Variants in PDGFRB observed in about 807,000 individuals in gnomAD.
PDGFRB encodes the protein platelet derived growth factor receptor beta, also known as platelet-derived growth factor receptor beta.
PDGFRB carries 42 observed loss-of-function variants against 120.2 expected under a neutral mutation model. The observed-to-expected ratio is 0.35, with a 90% confidence interval of 0.27 to 0.45. PDGFRB has a LOEUF of 0.45. PDGFRB is among the 20% of genes least tolerant of loss of function. PDGFRB has a pLI of 1.00. For missense variants in PDGFRB, 1,149 were observed against 1,476.3 expected (o/e 0.78, Z 3.63); for synonymous variants, 586 against 606.8 (o/e 0.97, Z 0.50).
rs963432529 is a variant in PDGFRB at position 150,155,745 on chromosome 5, G to T, written c.-355C>A. On this transcript the variant is annotated 5_prime_UTR_variant, in exon 1 of 23. Transcript: ENST00000261799. The stretch of plus-strand genomic sequence containing the variant: ...TGCTGCTGGGCAGCAGGGCTGAGGG[G>T]CCGGCTCTCTCCTCCTCCTTGTTGA... 9 of 398,592 alleles carry T rather than the reference G, an allele frequency of 2.3e-5. No individual in the cohort carries two copies. Among genetic ancestry groups the T allele is most frequent in the African/African-American group, 1.9e-4 (9 of 48,630 alleles). 24.7% of individuals were successfully genotyped at this position (398,592 alleles called of 1,614,324 possible).
intron 1 of PDGFRB, chr5:150,153,370 A>G (rs1761132139): frequency 6.6e-6 from 1 of 152,256 alleles, no homozygotes; most frequent in Non-Finnish European, 1.5e-5. Context: ...AAGGTGCTGA[A>G]GCCAGGAGCA....
At chr5:150,130,710 T>A (rs749174903) in intron 8 of PDGFRB, 48 bp from the exon 9 acceptor site, 2 of 1,591,000 alleles carry the variant, frequency 1.3e-6, no homozygotes, top group African/African-American at 2.7e-5. Flanking sequence ...TCAGGACAGT[T>A]AACAGGACAG....
chr5:150,155,449 C>A lies in PDGFRB; in HGVS notation c.-59G>T. The A allele has an allele frequency of 2.5e-6, 1 of 397,168 alleles. No homozygotes were observed. The highest frequency in any genetic ancestry group is 4.4e-6 in the Non-Finnish European group (1 of 225,720). The allele number at this position is 397,168 out of a possible 1,614,324, so 24.6% of individuals were successfully genotyped here. A position where few individuals can be genotyped will look rare whatever the true frequency, so the allele number is the denominator to read the frequency against. ...CACAGTTCCAGGCTCTGGACAGTCA[C>A]CCCCTCCAGGAAGTCCTCCTTACTG... is the stretch of plus-strand genomic sequence containing the variant. On this transcript the variant is annotated 5_prime_UTR_variant, in exon 1 of 23. Coordinates refer to ENST00000261799, the MANE Select transcript of PDGFRB (RefSeq NM_002609.4).
rs762918648 is a variant in PDGFRB at position 150,130,618 on chromosome 5, C to T, written c.1288G>A (p.Gly430Arg). The T allele has an allele frequency of 1.2e-6, 2 of 1,612,874 alleles. No homozygotes were observed. The highest frequency in any genetic ancestry group is 1.7e-6 in the Non-Finnish European group (2 of 1,179,674). ...LELSESHPDSGEQTVRCRGRG... is the reference protein window; with the variant it reads ...LELSESHPDSREQTVRCRGRG... ...CCACGACAGCGGACTGTCTGTTCCCCACTGTCAGGGTGGCTCTCACTTAGC... is the reference window on the plus strand; with the variant it reads ...CCACGACAGCGGACTGTCTGTTCCCTACTGTCAGGGTGGCTCTCACTTAGC... Residue 430 changes from glycine (G) to arginine (R), a missense_variant, in exon 9 of 23, where the codon GGG becomes AGG. Physicochemically the swap from Gly to Arg is moderately radical, Grantham distance 125 (BLOSUM62 -2). This residue lies in a region of PDGFRB where 879 missense variants were observed against 1,108.6 expected (regional missense o/e 0.79). Coordinates refer to ENST00000261799, the MANE Select transcript of PDGFRB (RefSeq NM_002609.4).
intron 22 of PDGFRB, among the ~76,000 whole-genome samples, chr5:150,116,448 A>G (rs1157389434): frequency 1.3e-5 from 2 of 151,946 alleles, no homozygotes; most frequent in Admixed American, 6.6e-5. Flanking sequence ...CAACTCTACT[A>G]AAAATACAAA....
rs754896143 is a variant in PDGFRB at position 150,126,638 on chromosome 5, C to T, written c.1580-24G>A. 1.3e-5 allele frequency: 17 copies of T among 1,353,598 alleles called. 1 individual carries two copies. The Middle Eastern group carries it at 7.2e-4, about 58-fold the overall frequency. 83.8% of individuals were successfully genotyped at this position (1,353,598 alleles called of 1,614,324 possible). On this transcript the variant is annotated intron_variant, in intron 10 of 22. Transcript: ENST00000261799. ...GGCTGGAGGCAGAGATGAGAGCAGG[C>T]CATGAGCAAACTGGGCAGCTACCCT... is the stretch of plus-strand genomic sequence containing the variant.
chr5:150,127,481 A>G (rs1466259349), intron 10 of PDGFRB, among the ~76,000 whole-genome samples: 1 of 152,116 alleles, frequency 6.6e-6, no homozygotes, highest in African/African-American at 2.4e-5. Flanking sequence ...CACCTGGCAC[A>G]TGGTAGGTAG....
intron 10 of PDGFRB, among the ~76,000 whole-genome samples, chr5:150,127,303 C>G (rs1333085002): frequency 6.6e-6 from 1 of 152,166 alleles, no homozygotes; most frequent in Non-Finnish European, 1.5e-5. Context: ...CCTCATCCAG[C>G]CCCGCCAGAC....
intron 1 of PDGFRB, among the ~76,000 whole-genome samples, chr5:150,140,443 C>T (rs1760754213): frequency 6.6e-6 from 1 of 152,186 alleles, no homozygotes; most frequent in Admixed American, 6.5e-5. Context: ...CCCTAGGTGT[C>T]CCCCTTTTGC....
intron 1 of PDGFRB, among the ~76,000 whole-genome samples, 181 bp downstream of exon 1, chr5:150,155,216 G>A (rs907079077): frequency 6.6e-6 from 1 of 151,890 alleles, no homozygotes; most frequent in African/African-American, 2.4e-5. Context: ...CAGGGGAAAG[G>A]AGAAAACTGG....
rs898335278 is a variant in PDGFRB at position 150,114,131 on chromosome 5, C to T, written c.*1632G>A. On this transcript the variant is annotated 3_prime_UTR_variant, in exon 23 of 23. Coordinates refer to ENST00000261799, the MANE Select transcript of PDGFRB (RefSeq NM_002609.4). ...CCTGCACCCCCTTCCCAACCCTCCC[C>T]GTGCGGGGGCGTCTTGGCTACAACC... 5.1e-5 allele frequency: 12 copies of T among 233,356 alleles called. No individual in the cohort carries two copies. The highest frequency in any genetic ancestry group is 1.3e-4 in the African/African-American group (6 of 45,342). The allele number at this position is 233,356 out of a possible 1,614,324, so 14.5% of individuals were successfully genotyped here.
chr5:150,127,404 C>T (rs971670390), intron 10 of PDGFRB, among the ~76,000 whole-genome samples: 4 of 152,302 alleles, frequency 2.6e-5, no homozygotes, highest in African/African-American at 9.6e-5. Flanking sequence ...TGCTTCTTTG[C>T]TCCCTAGGGA....
chr5:150,116,096 T>C, intron 22 of PDGFRB, 150 bp from the exon 23 acceptor site: 1 of 631,204 alleles, frequency 1.6e-6, no homozygotes. Flanking sequence ...ATGCAAGGCC[T>C]GCACCGTGAG....
chr5:150,137,770 G>T (rs561701241), intron 1 of PDGFRB, among the ~76,000 whole-genome samples: 24 of 152,334 alleles, frequency 1.6e-4, no homozygotes, highest in African/African-American at 5.8e-4. Context: ...CCACCCCCAG[G>T]GTGCAGATGG....
Position 150,132,077 on chromosome 5 carries a change from G to A in PDGFRB, c.1145C>T (p.Thr382Ile), listed in dbSNP as rs768431684. 2 of 1,602,564 alleles carry A rather than the reference G, an allele frequency of 1.2e-6. No homozygotes were observed. The highest frequency in any genetic ancestry group is 2.2e-5 in the South Asian group (2 of 90,854). ...VSETRYVSELTLVRVKVAEAG... is the reference protein window; with the variant it reads ...VSETRYVSELILVRVKVAEAG... ...CTCTGCCACCTTCACGCGAACCAGT[G>A]TCAGCTCTGACACATACCTGGGGAG... Residue 382 changes from threonine (T) to isoleucine (I), a missense_variant, in exon 8 of 23, where the codon ACA (threonine) becomes ATA (isoleucine). This residue lies in a region of PDGFRB where 879 missense variants were observed against 1,108.6 expected (regional missense o/e 0.79). Coordinates refer to ENST00000261799, the MANE Select transcript of PDGFRB (RefSeq NM_002609.4). The surrounding 1 kb of genome is among the most constrained non-coding windows in gnomAD (Gnocchi z 5.0).
chr5:150,131,933 C>T, intron 8 of PDGFRB, 46 bp downstream of exon 8: 1 of 991,110 alleles, frequency 1.0e-6, no homozygotes, highest in South Asian at 1.3e-5. Flanking sequence ...GGAACGGGGG[C>T]AGGGAGGGGA....
Position 150,135,561 on chromosome 5 carries a change from C to T in PDGFRB, c.358G>A (p.Val120Met), listed in dbSNP as rs1221364318. The change falls in exon 3 of 23, where the codon GTG becomes ATG. Residue 120 changes from valine to methionine, a missense_variant. By Grantham distance (21) the Val-to-Met change is conservative. Coordinates refer to ENST00000261799, the MANE Select transcript of PDGFRB (RefSeq NM_002609.4). ...TDERKRLYIFVPDPTVGFLPN... is the reference protein window; with the variant it reads ...TDERKRLYIFMPDPTVGFLPN... ...ACAGGCTGGGAGCCCTTACCTGGCA[C>T]AAAGATGTAGAGCCGTTTCCGCTCA... The T allele has an allele frequency of 6.3e-7, 1 of 1,599,686 alleles. No individual in the cohort carries two copies. The highest frequency in any genetic ancestry group is 8.5e-7 in the Non-Finnish European group (1 of 1,171,148).
intron 15 of PDGFRB, among the ~76,000 whole-genome samples, chr5:150,122,486 A>G (rs1176389075): frequency 2.6e-5 from 4 of 152,240 alleles, no homozygotes; most frequent in African/African-American, 9.6e-5. Flanking sequence ...AAAAGATGGG[A>G]GAAGCCCTTT....
At chr5:150,139,684 T>C (rs990307110) in intron 1 of PDGFRB, among the ~76,000 whole-genome samples, 9 of 135,288 alleles carry the variant, frequency 6.7e-5, no homozygotes, top group Admixed American at 7.3e-5. Context: ...ATCTATACAA[T>C]TAAGAGTTAG....
Sources: gnomAD v4.1 joint callset for allele counts (sites outside exome capture counted in the v4.1 genomes callset) on GRCh38, gnomAD v4.1.1 for gene constraint, gnomAD v4.1.1 regional missense constraint, Gnocchi (gnomAD v3.1) non-coding constraint, MANE v1.5 for transcripts, NCBI Gene and HGNC (gene_info 2026-07-23, HGNC 2026-07-21) for gene names.